Variants in TAF2 observed in about 807,000 individuals in gnomAD.
The protein encoded by TAF2 is transcription initiation factor TFIID subunit 2.
TAF2 carries 61 observed loss-of-function variants against 138.5 expected under a neutral mutation model. The ratio of observed to expected loss-of-function variants is 0.44; its 90% CI spans 0.36 to 0.54. The LOEUF (loss-of-function observed/expected upper bound fraction) is 0.54, where lower values mean the gene tolerates loss of function less well. Among genes scored for constraint, TAF2 ranks in the 20% least tolerant of loss-of-function variants. The pLI, the probability that TAF2 is intolerant of heterozygous loss-of-function variation, is 0.00. For missense variants in TAF2, 1,090 were observed against 1,427.9 expected, an observed-to-expected ratio of 0.76 and a Z score of 3.81; for synonymous variants, 475 against 469.9, an observed-to-expected ratio of 1.01 and a Z score of -0.14.
chr8:119,758,243 C>T, intron 20 of TAF2, 101 bp from the exon 21 acceptor site: 1 of 1,059,754 alleles, frequency 9.4e-7, no homozygotes, highest in Non-Finnish European at 1.4e-6. Flanking sequence ...TAGGACTCTG[C>T]CTTAGCTGAG....
At chr8:119,747,412 T>G (rs1820051062) in intron 22 of TAF2, among the ~76,000 whole-genome samples, 1 of 152,230 alleles carries the variant, frequency 6.6e-6, no homozygotes, top group Non-Finnish European at 1.5e-5. Context: ...TTTATGATTT[T>G]TAAATAACAG....
At position 119,806,374 on chromosome 8, in the gene TAF2, A is replaced by C. The variant is rs1157903044; in HGVS notation, c.327T>G (p.Ala109=). 2 of 1,613,948 alleles carry C rather than the reference A, an allele frequency of 1.2e-6. No individual in the cohort carries two copies. The highest frequency in any genetic ancestry group is 2.7e-5 in the African/African-American group (2 of 74,914). ...CCACAGCACTAACTGCAGCTGCATAAGCATTGGAAAAATAATTGAGGTTTC... is the reference window on the plus strand; with the variant it reads ...CCACAGCACTAACTGCAGCTGCATACGCATTGGAAAAATAATTGAGGTTTC... ...KQRNLNYFSN[A]YAAAVSAVDP... is the part of the protein sequence containing the mutation. Residue 109 remains alanine, a synonymous_variant, in exon 4 of 26, where the codon GCT becomes GCG. Transcript: ENST00000378164.
intron 22 of TAF2, among the ~76,000 whole-genome samples, chr8:119,755,725 A>G (rs10097757): frequency 0.033 from 5,079 of 152,198 alleles, 161 homozygotes; most frequent in South Asian, 0.11. Context: ...TTCTGAAATA[A>G]TAATAATACT....
At chr8:119,798,259 T>C (rs1350469180) in intron 6 of TAF2, among the ~76,000 whole-genome samples, 1 of 152,206 alleles carries the variant, frequency 6.6e-6, no homozygotes, top group Non-Finnish European at 1.5e-5. Context: ...TTAATCATAT[T>C]ATCTGCATAT....
At chr8:119,778,152 T>G in intron 17 of TAF2, 23 bp from the exon 18 acceptor site, 1 of 1,459,986 alleles carries the variant, frequency 6.8e-7, no homozygotes, top group Non-Finnish European at 9.5e-7. Context: ...AAAAAGAACT[T>G]TTAAAAGCAC....
intron 18 of TAF2, among the ~76,000 whole-genome samples, chr8:119,771,962 T>TA (rs1220848775): frequency 6.6e-6 from 1 of 151,846 alleles, no homozygotes; most frequent in Admixed American, 6.6e-5. Context: ...CTCAATAAAT[T>TA]AAAAAAAATC....
At chr8:119,732,227 T>C in intron 25 of TAF2, 41 bp from the exon 26 acceptor site, 2 of 1,589,774 alleles carry the variant, frequency 1.3e-6, no homozygotes, top group South Asian at 1.1e-5. Context: ...CTGCTGATGA[T>C]ACGGAAAGCC....
rs1210298874 is a variant in TAF2 at position 119,832,808 on chromosome 8, G to A, written c.-244C>T. On this transcript the variant is annotated 5_prime_UTR_variant, in exon 1 of 26. Transcript: ENST00000378164. ...ATGCTCCTCTCCGCAAGGGCTCGAAGCTACCATCCGCCGACATCTTGTCTG... is the reference window on the plus strand; with the variant it reads ...ATGCTCCTCTCCGCAAGGGCTCGAAACTACCATCCGCCGACATCTTGTCTG... 3 of 463,524 alleles carry A rather than the reference G, an allele frequency of 6.5e-6. No individual in the cohort carries two copies. The highest frequency in any genetic ancestry group is 1.2e-5 in the Non-Finnish European group (3 of 260,466). The allele number at this position is 463,524 out of a possible 1,614,324, so 28.7% of individuals were successfully genotyped here. A position where few individuals can be genotyped will look rare whatever the true frequency, so the allele number is the denominator to read the frequency against.
rs1823934989 is a variant in TAF2, at chr8:119,797,791, T to C, written c.848A>G (p.Tyr283Cys). ...ATAAAATTCAAAGACTTCATGAAGG[T>C]ATGATGTGGTATGTTTCAGCAATGG... The part of the protein sequence containing the change: ...LLPLLKHTTS[Y>C]LHEVFEFYEE... The change falls in exon 7 of 26, where the codon TAC (tyrosine) becomes TGC (cysteine). Residue 283 changes from tyrosine (Y) to cysteine (C), a missense_variant. Around this residue, in one of 3 missense-constraint regions of TAF2, gnomAD observed 504 missense variants for 680.9 expected, o/e 0.74. Transcript: ENST00000378164. 2 of 1,613,560 alleles carry C rather than the reference T, an allele frequency of 1.2e-6. No individual in the cohort carries two copies. Among genetic ancestry groups the C allele is most frequent in the Non-Finnish European group, 1.7e-6 (2 of 1,179,688 alleles).
At chr8:119,801,173 T>G (rs894106979) in intron 6 of TAF2, among the ~76,000 whole-genome samples, 4 of 152,280 alleles carry the variant, frequency 2.6e-5, no homozygotes, top group African/African-American at 9.6e-5. Context: ...AAAAACATGA[T>G]AAATGAAAAG....
chr8:119,785,709 T>C (rs986483297), intron 14 of TAF2, among the ~76,000 whole-genome samples: 3 of 152,170 alleles, frequency 2.0e-5, no homozygotes, highest in Admixed American at 6.5e-5. Context: ...CTTAAGAGTA[T>C]TGATCAATAT....
At chr8:119,751,035 G>A (rs1370690694) in intron 22 of TAF2, among the ~76,000 whole-genome samples, 1 of 152,048 alleles carries the variant, frequency 6.6e-6, no homozygotes, top group African/African-American at 2.4e-5. Context: ...TATTAGGCAA[G>A]ACAAGCAAAA....
rs796452621 is a variant in TAF2 at position 119,762,709 on chromosome 8, T to C, written c.2365-101A>G. 4.2e-6 allele frequency: 5 copies of C among 1,197,950 alleles called. No individual in the cohort carries two copies. The African/African-American group carries it at 6.2e-5, about 15-fold the overall frequency. The allele number at this position is 1,197,950 out of a possible 1,614,324, so 74.2% of individuals were successfully genotyped here. ...AATTACATTTTAGATAAAATAAAAA[T>C]TTTCCCAAAACACAAGCAAGTCCTC... On this transcript the variant is annotated intron_variant, in intron 18 of 25. Coordinates refer to ENST00000378164, the MANE Select transcript of TAF2 (RefSeq NM_003184.4).
intron 3 of TAF2, among the ~76,000 whole-genome samples, chr8:119,809,359 C>A (rs1277391734): frequency 2.6e-5 from 4 of 152,298 alleles, no homozygotes; most frequent in South Asian, 2.1e-4. Context: ...TTAGGCTTGG[C>A]CTTAAGGGAT....
At chr8:119,745,109 C>A (rs186259635) in intron 23 of TAF2, 22 of 444,406 alleles carry the variant, frequency 5.0e-5, no homozygotes, top group Non-Finnish European at 8.6e-5. Context: ...AAACTAATAG[C>A]TATAGCAACC....
chr8:119,828,701 T>A (rs1484387468), intron 2 of TAF2, among the ~76,000 whole-genome samples: 2 of 152,230 alleles, frequency 1.3e-5, no homozygotes, highest in Non-Finnish European at 2.9e-5. Flanking sequence ...AGTTTTATAC[T>A]ATTTCTTTCA....
intron 20 of TAF2, among the ~76,000 whole-genome samples, chr8:119,759,951 C>G (rs1820947446): frequency 6.6e-6 from 1 of 152,028 alleles, no homozygotes; most frequent in Non-Finnish European, 1.5e-5. Context: ...TTCTGATAGT[C>G]CTAGAAACTC....
At chr8:119,757,699 C>T (rs540495318) in intron 21 of TAF2, among the ~76,000 whole-genome samples, 3 of 151,720 alleles carry the variant, frequency 2.0e-5, no homozygotes, top group Non-Finnish European at 2.9e-5. Flanking sequence ...AGTTCGAGAC[C>T]AGCCTGGCCA....
intron 3 of TAF2, among the ~76,000 whole-genome samples, chr8:119,813,426 A>G (rs1413364038): frequency 6.6e-6 from 1 of 152,218 alleles, no homozygotes; most frequent in Non-Finnish European, 1.5e-5. Context: ...TTTAATCCTA[A>G]AACAACTTTT....
Sources: gnomAD v4.1 joint callset for allele counts (sites outside exome capture counted in the v4.1 genomes callset) on GRCh38, gnomAD v4.1.1 for gene constraint, gnomAD v4.1.1 regional missense constraint, MANE v1.5 for transcripts, NCBI Gene and HGNC (gene_info 2026-07-23, HGNC 2026-07-21) for gene names.